Variants in RUSC2 observed in about 807,000 individuals in gnomAD.
RUSC2 encodes RUN and SH3 domain containing 2, also known as AP-4 complex accessory subunit RUSC2.
Under a neutral mutation model 122.2 loss-of-function variants are expected in RUSC2, and 34 were observed. The ratio of observed to expected loss-of-function variants is 0.28; its 90% confidence interval spans 0.21 to 0.37. The LOEUF is 0.37. RUSC2 is among the 10% of genes least tolerant of loss of function. The pLI, the probability that RUSC2 is intolerant of heterozygous loss-of-function variation, is 1.00. For synonymous variants in RUSC2, 784 were observed against 790.0 expected (o/e 0.99, Z 0.13); for missense variants, 1,747 against 1,952.4 (o/e 0.89, Z 1.98).
chr9:35,495,046 T>C (rs1230587429), intron 1 of RUSC2, among the ~76,000 whole-genome samples: 11 of 58,428 alleles, frequency 1.9e-4, no homozygotes, highest in Non-Finnish European at 4.1e-4. Context: ...TACTATAGTA[T>C]ATATAATATA....
chr9:35,521,069 C>G (rs1241284708), intron 1 of RUSC2, among the ~76,000 whole-genome samples: 1 of 152,220 alleles, frequency 6.6e-6, no homozygotes, highest in East Asian at 1.9e-4. Flanking sequence ...AGCCAGGCAC[C>G]TGGGAGTATA....
At chr9:35,491,449 T>C (rs1205894078) in intron 1 of RUSC2, among the ~76,000 whole-genome samples, 1 of 152,230 alleles carries the variant, frequency 6.6e-6, no homozygotes, top group East Asian at 1.9e-4. Context: ...CTGTTAGTTA[T>C]GCCCGTCCTG....
rs1264513640 is a variant in RUSC2, at chr9:35,549,242, C to T, written c.2014+707C>T. 2.0e-6 allele frequency: 2 copies of T among 983,692 alleles called. 1 individual carries two copies. The highest frequency in any genetic ancestry group is 9.4e-5 in the South Asian group (2 of 21,256). The allele number at this position is 983,692 out of a possible 1,614,324, so 60.9% of individuals were successfully genotyped here. On this transcript the variant is annotated intron_variant, in intron 2 of 11. Transcript: ENST00000361226. ...GGAGTTTGCAGTGCCTAAGGGGCAA[C>T]CAAGGGATATGTCTAACAACAACAA...
chr9:35,535,534 CTTTTTTTTT>C (rs1174623935), intron 1 of RUSC2, among the ~76,000 whole-genome samples: 1 of 130,122 alleles, frequency 7.7e-6, no homozygotes, highest in Non-Finnish European at 1.6e-5. Flanking sequence ...AGGAGCTTCT[CTTTTTTTTT>C]TTTTTTTTTT....
At chr9:35,532,779 A>G (rs1821446438) in intron 1 of RUSC2, among the ~76,000 whole-genome samples, 1 of 151,714 alleles carries the variant, frequency 6.6e-6, no homozygotes, top group Admixed American at 6.6e-5. Flanking sequence ...GGAAAAGAGG[A>G]GTTGAATAGG....
chr9:35,529,482 T>C (rs1464728835), intron 1 of RUSC2, among the ~76,000 whole-genome samples: 1 of 150,830 alleles, frequency 6.6e-6, no homozygotes, highest in African/African-American at 2.4e-5. Context: ...AAAATGTTTA[T>C]GGTGGCATTT....
In RUSC2 at chr9:35,547,030, A is replaced by G. The variant is rs1468551710; in HGVS notation, c.509A>G (p.Glu170Gly). ...GTTRSRAGVV[E>G]GQEQEPVMTL... The stretch of plus-strand genomic sequence containing the variant: ...ACACGCAGTCGGGCTGGAGTGGTGG[A>G]AGGGCAGGAACAGGAGCCAGTGATG... Residue 170 changes from glutamate to glycine, a missense_variant, in exon 2 of 12, where the codon GAA becomes GGA. By Grantham distance (98) the Glu-to-Gly change is moderately conservative. Coordinates refer to ENST00000361226, the MANE Select transcript of RUSC2 (RefSeq NM_014806.5). The surrounding 1 kb of genome is among the most constrained non-coding windows in gnomAD (Gnocchi z 4.6). 1.2e-6 allele frequency: 2 copies of G among 1,608,886 alleles called. No individual in the cohort carries two copies. The highest frequency in any genetic ancestry group is 3.3e-5 in the Admixed American group (2 of 59,778).
intron 2 of RUSC2, 136 bp from the exon 3 acceptor site, chr9:35,554,924 C>A: frequency 1.1e-6 from 1 of 935,016 alleles, no homozygotes; most frequent in Non-Finnish European, 1.7e-6. Context: ...TGTCCCATTC[C>A]ACGAACTTCT....
chr9:35,549,506 T>C (rs974570652), intron 2 of RUSC2, among the ~76,000 whole-genome samples: 2 of 152,228 alleles, frequency 1.3e-5, no homozygotes, highest in Admixed American at 1.3e-4. Context: ...GAAAACGTAG[T>C]TGATCATTAA....
At position 35,560,088 on chromosome 9, in the gene RUSC2, C is replaced by G; in HGVS notation, c.3448C>G (p.Pro1150Ala). Reference sequence around the variant, plus strand: ...CCTGAGTGCAGCTCATACCGTGTGTCCCGGCCTCTTTGAAGAGCTGCTGCT... The same window carrying G: ...CCTGAGTGCAGCTCATACCGTGTGTGCCGGCCTCTTTGAAGAGCTGCTGCT... ...GFLSAAHTVC[P>A]GLFEELLLLL... The change falls in exon 10 of 12, where the codon CCC (proline) becomes GCC (alanine). Residue 1150 changes from proline to alanine, a missense_variant. Pro to Ala is a conservative substitution (Grantham distance 27, BLOSUM62 -1). Coordinates refer to ENST00000361226, the MANE Select transcript of RUSC2 (RefSeq NM_014806.5). 6.2e-7 allele frequency: 1 copy of G among 1,613,958 alleles called. No homozygotes were observed. Among genetic ancestry groups the G allele is most frequent in the Non-Finnish European group, 8.5e-7 (1 of 1,179,970 alleles).
At chr9:35,504,044 G>A (rs975762829) in intron 1 of RUSC2, among the ~76,000 whole-genome samples, 4 of 152,092 alleles carry the variant, frequency 2.6e-5, no homozygotes, top group Admixed American at 6.5e-5. Flanking sequence ...CAAAGTGTTA[G>A]GTTTACAGGC....
intron 1 of RUSC2, among the ~76,000 whole-genome samples, chr9:35,494,966 T>TTTATATATATTATATAATATATA (rs1820650586): frequency 2.6e-5 from 3 of 115,150 alleles, no homozygotes; most frequent in Non-Finnish European, 1.7e-5. Context: ...ATATATAAAA[T>TTTATATATATTATATAATATATA]TTATATATAT....
chr9:35,520,750 G>A (rs541470980), intron 1 of RUSC2, among the ~76,000 whole-genome samples: 3 of 152,084 alleles, frequency 2.0e-5, no homozygotes, highest in African/African-American at 4.8e-5. Flanking sequence ...CACACTTGAG[G>A]GCCATCCTCC....
intron 2 of RUSC2, chr9:35,549,210 A>T (rs1393032056): frequency 1.0e-6 from 1 of 985,122 alleles, no homozygotes; most frequent in Non-Finnish European, 1.2e-6. Flanking sequence ...TCAGGTTCAG[A>T]CCTTTAGGAG....
chr9:35,520,889 C>T (rs563973588), intron 1 of RUSC2, among the ~76,000 whole-genome samples: 2 of 152,204 alleles, frequency 1.3e-5, no homozygotes, highest in Non-Finnish European at 2.9e-5. Flanking sequence ...GTGGGCCTTA[C>T]TCACTGCTGC....
intron 2 of RUSC2, among the ~76,000 whole-genome samples, chr9:35,550,850 C>T (rs1335461901): frequency 5.3e-5 from 8 of 151,644 alleles, no homozygotes; most frequent in South Asian, 2.1e-4. Flanking sequence ...CCGAGGTGCG[C>T]GGGTCACCTG....
At chr9:35,519,510 T>G (rs1821171335) in intron 1 of RUSC2, among the ~76,000 whole-genome samples, 1 of 152,192 alleles carries the variant, frequency 6.6e-6, no homozygotes, top group African/African-American at 2.4e-5. Flanking sequence ...TGGAGAGCCT[T>G]GAGGCTCCCA....
rs901967689 is a variant in RUSC2, at chr9:35,561,614, C to G, written c.*232C>G. ...GGGATGGGACACAGCACTGGGCTGC[C>G]AGGATTCCCCTGGCCCGTCTGGGCC... is the stretch of plus-strand genomic sequence containing the variant. On this transcript the variant is annotated 3_prime_UTR_variant, in exon 12 of 12. Coordinates refer to ENST00000361226, the MANE Select transcript of RUSC2 (RefSeq NM_014806.5). The G allele has an allele frequency of 8.6e-6, 5 of 578,898 alleles. No individual in the cohort carries two copies. Among genetic ancestry groups the G allele is most frequent in the South Asian group, 2.3e-5 (1 of 44,366 alleles). 35.9% of individuals were successfully genotyped at this position (578,898 alleles called of 1,614,324 possible).
intron 1 of RUSC2, among the ~76,000 whole-genome samples, chr9:35,519,248 G>A (rs186191112): frequency 2.0e-3 from 306 of 152,310 alleles, no homozygotes; most frequent in African/African-American, 2.9e-3. Flanking sequence ...ACGCCAGAGC[G>A]TAAAAATAAA....
Sources: gnomAD v4.1 joint callset for allele counts (sites outside exome capture counted in the v4.1 genomes callset) on GRCh38, gnomAD v4.1.1 for gene constraint, Gnocchi (gnomAD v3.1) non-coding constraint, MANE v1.5 for transcripts, NCBI Gene and HGNC (gene_info 2026-07-23, HGNC 2026-07-21) for gene names.